Variants in CLVS1 observed in about 807,000 individuals in gnomAD.
CLVS1 encodes clavesin 1, also known as clavesin-1.
Under a neutral mutation model 33.1 loss-of-function variants are expected in CLVS1, and 10 were observed. That is an observed-to-expected ratio of 0.30 (90% confidence interval 0.19 to 0.51). CLVS1 has a LOEUF of 0.51. Ranked by LOEUF, CLVS1 falls within the 20% of genes least tolerant of loss-of-function variation. CLVS1 has a pLI of 0.97. For missense variants in CLVS1, 343 were observed against 433.4 expected (o/e 0.79, Z 1.85); for synonymous variants, 163 against 166.1 (o/e 0.98, Z 0.14).
At chr8:61,078,379 T>A (rs1804963701) in intron 1 of CLVS1, among the ~76,000 whole-genome samples, 1 of 152,164 alleles carries the variant, frequency 6.6e-6, no homozygotes, top group African/African-American at 2.4e-5. Flanking sequence ...GTGTGTTTGT[T>A]TATCTGCCAA....
In CLVS1 at chr8:61,149,551, C is replaced by CAAAAAAAAAAAAA. The variant is rs1166606940; in HGVS notation, c.-152+17696_-152+17708dup. 8.5e-4 allele frequency among the ~76,000 whole-genome samples: 44 copies of CAAAAAAAAAAAAA among 51,868 alleles called. 1 individual carries two copies. The highest frequency in any genetic ancestry group is 1.2e-3 in the Non-Finnish European group (28 of 22,862). 34.0% of individuals were successfully genotyped at this position (51,868 alleles called of 152,430 possible). On this transcript the variant is annotated intron_variant, in intron 2 of 2. Coordinates refer to the CLVS1 transcript ENST00000522621. ...TAGGCGACAGAACGAGACTCTGTCT[C>CAAAAAAAAAAAAA]AAAAAAAAAAAAAAAAACAAAAAAC...
intron 2 of CLVS1, among the ~76,000 whole-genome samples, chr8:61,213,090 C>T (rs1808006457): frequency 6.6e-6 from 1 of 151,878 alleles, no homozygotes; most frequent in African/African-American, 2.4e-5. Flanking sequence ...GGCACCTTCT[C>T]CCATCCCCGG....
intron 2 of CLVS1, among the ~76,000 whole-genome samples, chr8:61,319,203 TAC>T (rs1370985388): frequency 1.3e-5 from 2 of 152,184 alleles, no homozygotes; most frequent in African/African-American, 4.8e-5. Flanking sequence ...AATGATCTTC[TAC>T]AGAGTCTCTA....
intron 2 of CLVS1, among the ~76,000 whole-genome samples, chr8:61,312,680 T>G (rs1040604761): frequency 4.6e-5 from 7 of 152,240 alleles, no homozygotes; most frequent in Non-Finnish European, 1.0e-4. Flanking sequence ...AGCACCTCCC[T>G]GAGCATGTGG....
At chr8:61,232,023 G>GTTTTTTT (rs1158042227) in intron 2 of CLVS1, among the ~76,000 whole-genome samples, 4 of 62,656 alleles carry the variant, frequency 6.4e-5, no homozygotes, top group African/African-American at 9.5e-5. Context: ...GAAAGTTGTG[G>GTTTTTTT]TTTTTTTTTT....
chr8:61,164,248 A>G (rs1806811071), intron 2 of CLVS1, among the ~76,000 whole-genome samples: 1 of 152,208 alleles, frequency 6.6e-6, no homozygotes, highest in African/African-American at 2.4e-5. Flanking sequence ...TAGGAAATCC[A>G]GCTAGTCCTG....
chr8:61,262,246 G>A (rs1809221191), intron 2 of CLVS1, among the ~76,000 whole-genome samples: 1 of 151,996 alleles, frequency 6.6e-6, no homozygotes, highest in Non-Finnish European at 1.5e-5. Context: ...GAACTTCTGA[G>A]CTCCAGTGAT....
chr8:60,967,390 G>T, the CLVS1 span, among the ~76,000 whole-genome samples: 1 of 152,338 alleles, frequency 6.6e-6, no homozygotes, highest in Admixed American at 6.5e-5. Flanking sequence ...ACTCACTGGA[G>T]AAAGAAGCTC....
chr8:61,158,804 ATAAT>A (rs1806696965), intron 2 of CLVS1, among the ~76,000 whole-genome samples: 1 of 152,212 alleles, frequency 6.6e-6, no homozygotes, highest in African/African-American at 2.4e-5. Flanking sequence ...CAGTAATAAA[ATAAT>A]TCTCTTTTCT....
intron 2 of CLVS1, among the ~76,000 whole-genome samples, chr8:61,301,988 C>T (rs541746078): frequency 2.7e-4 from 41 of 152,172 alleles, no homozygotes; most frequent in Admixed American, 7.9e-4. Context: ...TTATGTTTCA[C>T]GGGGAGACAT....
intron 3 of CLVS1, among the ~76,000 whole-genome samples, chr8:61,406,602 AG>A (rs1172985174): frequency 1.3e-5 from 2 of 150,778 alleles, no homozygotes; most frequent in African/African-American, 4.9e-5. Flanking sequence ...GGTTTGACAT[AG>A]ATTTGTTTTT....
chr8:61,447,158 T>C (rs931123822), intron 3 of CLVS1, among the ~76,000 whole-genome samples: 10 of 152,116 alleles, frequency 6.6e-5, no homozygotes, highest in Admixed American at 2.6e-4. Flanking sequence ...TCTAAAAGAT[T>C]ATCAGTTGTT....
chr8:61,227,163 G>A (rs1285646486), intron 2 of CLVS1, among the ~76,000 whole-genome samples: 1 of 151,016 alleles, frequency 6.6e-6, no homozygotes, highest in Non-Finnish European at 1.5e-5. Flanking sequence ...CAGTGTAGAT[G>A]TGTCCTAATA....
intron 2 of CLVS1, among the ~76,000 whole-genome samples, chr8:61,256,964 T>C (rs960467596): frequency 4.6e-5 from 7 of 152,230 alleles, no homozygotes; most frequent in Non-Finnish European, 1.5e-5. Flanking sequence ...ATAAGACCTG[T>C]AAGGTATTAT....
At chr8:61,432,770 G>T (rs1316707363) in intron 3 of CLVS1, among the ~76,000 whole-genome samples, 2 of 152,214 alleles carry the variant, frequency 1.3e-5, no homozygotes, top group Admixed American at 1.3e-4. Context: ...ACCGAAAAGT[G>T]ACCGAGGCAG....
At chr8:61,302,088 C>T (rs1332027251) in intron 2 of CLVS1, among the ~76,000 whole-genome samples, 1 of 152,146 alleles carries the variant, frequency 6.6e-6, no homozygotes, top group Non-Finnish European at 1.5e-5. Flanking sequence ...TACTCTTCCT[C>T]TTCAAGATGA....
intron 2 of CLVS1, among the ~76,000 whole-genome samples, chr8:61,216,961 A>C (rs1808103136): frequency 6.6e-6 from 1 of 152,200 alleles, no homozygotes; most frequent in Non-Finnish European, 1.5e-5. Flanking sequence ...AAGCATTTTT[A>C]GTCTTTCTAA....
At chr8:61,331,643 T>A (rs1811597230) in intron 2 of CLVS1, among the ~76,000 whole-genome samples, 1 of 152,160 alleles carries the variant, frequency 6.6e-6, no homozygotes, top group Admixed American at 6.5e-5. Context: ...ACATAGGGCA[T>A]AACACTTCCT....
chr8:61,396,205 G>C (rs1481635799), intron 3 of CLVS1, among the ~76,000 whole-genome samples: 2 of 151,984 alleles, frequency 1.3e-5, no homozygotes, highest in African/African-American at 2.4e-5. Flanking sequence ...TTTTCTTTCT[G>C]CCTTGTCTAG....
Sources: allele counts gnomAD v4.1 joint callset (sites outside exome capture counted in the v4.1 genomes callset), GRCh38; gene constraint gnomAD v4.1.1; transcripts MANE v1.5; gene names NCBI Gene and HGNC (gene_info 2026-07-23, HGNC 2026-07-21).